The following LRP1B variants were observed in gnomAD, a reference collection of about 807,000 sequenced individuals.
The protein encoded by LRP1B is LDL receptor related protein 1B.
A neutral mutation model predicts 556.6 loss-of-function variants in LRP1B; 217 were observed. The ratio of observed to expected loss-of-function variants is 0.39; its 90% CI spans 0.35 to 0.44. The LOEUF is 0.44. Among genes scored for constraint, LRP1B ranks in the 20% least tolerant of loss-of-function variants. LRP1B has a pLI of 1.00. For synonymous variants in LRP1B, 2,047 were observed against 1,865.8 expected, an observed-to-expected ratio of 1.10 and a Z score of -2.50; for missense variants, 5,053 against 5,620.8, an observed-to-expected ratio of 0.90 and a Z score of 3.23.
At chr2:140,456,114 A>G (rs1687097517) in intron 62 of LRP1B, among the ~76,000 whole-genome samples, 1 of 152,132 alleles carries the variant, frequency 6.6e-6, no homozygotes, top group African/African-American at 2.4e-5. Flanking sequence ...AGAAATGGAG[A>G]GTGGGGACAG....
intron 79 of LRP1B, 71 bp from the exon 80 acceptor site, chr2:140,325,949 T>C: frequency 2.1e-6 from 2 of 958,428 alleles, no homozygotes; most frequent in Non-Finnish European, 3.3e-6. Context: ...TACTTTTGCT[T>C]CTTATTGTAT....
At chr2:140,273,884 C>T (rs115926325) in intron 85 of LRP1B, among the ~76,000 whole-genome samples, 3,103 of 151,996 alleles carry the variant, frequency 0.02, 39 homozygotes, top group African/African-American at 0.028. Context: ...AAGTCAAACT[C>T]GAAGATTTTT....
At chr2:141,949,121 C>A (rs1701037521) in intron 1 of LRP1B, among the ~76,000 whole-genome samples, 1 of 151,958 alleles carries the variant, frequency 6.6e-6, no homozygotes, top group Non-Finnish European at 1.5e-5. Flanking sequence ...ATACTATAAA[C>A]AATATTATTA....
At chr2:140,888,328 G>T (rs75830320) in intron 23 of LRP1B, among the ~76,000 whole-genome samples, 5,948 of 151,884 alleles carry the variant, frequency 0.039, 183 homozygotes, top group South Asian at 0.094. Flanking sequence ...TCAACTCAAA[G>T]AATTCAGAAA....
chr2:142,029,706 T>C (rs1340562126), intron 1 of LRP1B, among the ~76,000 whole-genome samples: 1 of 151,864 alleles, frequency 6.6e-6, no homozygotes, highest in East Asian at 1.9e-4. Flanking sequence ...AGCTTGTTTG[T>C]GCCTGTAGAA....
At chr2:141,310,138 T>A (rs929079596) in intron 3 of LRP1B, among the ~76,000 whole-genome samples, 1 of 152,146 alleles carries the variant, frequency 6.6e-6, no homozygotes, top group Admixed American at 6.5e-5. Flanking sequence ...CTAAGTACTA[T>A]AGTCAGTTTA....
At chr2:140,903,836 T>C (rs1379946998) in intron 22 of LRP1B, among the ~76,000 whole-genome samples, 1 of 151,446 alleles carries the variant, frequency 6.6e-6, no homozygotes, top group Non-Finnish European at 1.5e-5. Context: ...GTTGTCCTGG[T>C]ATTTTGTCTG....
At chr2:141,832,341 A>T (rs1453553639) in intron 1 of LRP1B, among the ~76,000 whole-genome samples, 3 of 150,444 alleles carry the variant, frequency 2.0e-5, no homozygotes, top group Non-Finnish European at 4.4e-5. Flanking sequence ...ACACACACAC[A>T]CACACACACA....
rs370655340 is a variant in LRP1B, at chr2:140,433,908, T to A, written c.10414+8596A>T. ...AAGGAACATTTAAATACTGGGTGTG[T>A]GTCTCTGTCTTAGGACATAGAATTG... On this transcript the variant is annotated intron_variant, in intron 66 of 90. Coordinates refer to ENST00000389484, the MANE Select transcript of LRP1B (RefSeq NM_018557.3). Among the ~76,000 whole-genome samples the A allele has an allele frequency of 3.0e-4, 45 of 152,106 alleles. No individual in the cohort carries two copies. The East Asian group carries it at 8.7e-3, about 29-fold the overall frequency.
At chr2:141,264,661 G>T (rs1008588874) in intron 3 of LRP1B, among the ~76,000 whole-genome samples, 1 of 152,104 alleles carries the variant, frequency 6.6e-6, no homozygotes, top group African/African-American at 2.4e-5. Context: ...CACCATGTTG[G>T]CCAGGCTGGT....
chr2:141,861,290 C>A (rs1192940892), intron 1 of LRP1B, among the ~76,000 whole-genome samples: 1 of 152,130 alleles, frequency 6.6e-6, no homozygotes, highest in Non-Finnish European at 1.5e-5. Flanking sequence ...GAGGACTAGA[C>A]CAATAGGACT....
At chr2:141,292,570 T>G (rs1032043991) in intron 3 of LRP1B, among the ~76,000 whole-genome samples, 2 of 152,086 alleles carry the variant, frequency 1.3e-5, no homozygotes, top group Admixed American at 6.5e-5. Context: ...AAAGTCTATA[T>G]CGAAAATCAT....
intron 2 of LRP1B, among the ~76,000 whole-genome samples, chr2:141,554,977 C>G (rs1014224565): frequency 1.2e-4 from 18 of 152,032 alleles, no homozygotes; most frequent in African/African-American, 2.9e-4. Context: ...TTCTTGGGAA[C>G]TGCGTAACCT....
intron 3 of LRP1B, among the ~76,000 whole-genome samples, chr2:141,344,402 C>G (rs79992422): frequency 0.14 from 4,955 of 34,980 alleles, 264 homozygotes; most frequent in African/African-American, 0.37. Flanking sequence ...CTTTTGTTAA[C>G]TAAGTAAGCT....
intron 1 of LRP1B, among the ~76,000 whole-genome samples, chr2:141,872,904 C>T (rs771237902): frequency 3.3e-5 from 5 of 151,868 alleles, no homozygotes; most frequent in Non-Finnish European, 5.9e-5. Context: ...CTTTAAGTAT[C>T]AAGGCTACAC....
At chr2:141,520,821 T>C (rs966216857) in intron 2 of LRP1B, among the ~76,000 whole-genome samples, 1 of 152,090 alleles carries the variant, frequency 6.6e-6, no homozygotes, top group Non-Finnish European at 1.5e-5. Flanking sequence ...ATTTTTTCCC[T>C]TTCTTTTTGC....
intron 2 of LRP1B, among the ~76,000 whole-genome samples, chr2:141,628,281 T>A (rs895194830): frequency 6.6e-6 from 1 of 152,172 alleles, no homozygotes; most frequent in African/African-American, 2.4e-5. Context: ...GATGGATTAA[T>A]AGAGATGAAG....
chr2:141,601,643 C>CT (rs569336501), intron 2 of LRP1B, among the ~76,000 whole-genome samples: 15 of 130,322 alleles, frequency 1.2e-4, no homozygotes, highest in African/African-American at 2.2e-4. Flanking sequence ...TCCTTCCTTC[C>CT]TTTTTTTTTC....
At chr2:140,901,717 T>C (rs114253261) in intron 23 of LRP1B, among the ~76,000 whole-genome samples, 272 of 152,282 alleles carry the variant, frequency 1.8e-3, no homozygotes, top group African/African-American at 6.2e-3. Context: ...AGAAAACATA[T>C]TGAAGTGCAC....
Sources: allele counts gnomAD v4.1 joint callset (sites outside exome capture counted in the v4.1 genomes callset), GRCh38; gene constraint gnomAD v4.1.1; transcripts MANE v1.5; gene names NCBI Gene and HGNC (gene_info 2026-07-23, HGNC 2026-07-21).